MAPK8IP2: variants seen among roughly 807,000 people sequenced by gnomAD.
The protein encoded by MAPK8IP2 is mitogen-activated protein kinase 8 interacting protein 2, also known as C-Jun-amino-terminal kinase-interacting protein 2.
In MAPK8IP2, 15 loss-of-function variants were observed where a neutral mutation model predicts 75.6. That is an observed-to-expected ratio of 0.20 (90% CI 0.13 to 0.31). The LOEUF is 0.31. Among genes scored for constraint, MAPK8IP2 ranks in the 10% least tolerant of loss-of-function variants. MAPK8IP2 has a pLI of 1.00. For missense variants in MAPK8IP2, 1,089 were observed against 1,211.2 expected, an observed-to-expected ratio of 0.90 and a Z score of 1.50; for synonymous variants, 632 against 554.5, an observed-to-expected ratio of 1.14 and a Z score of -1.96.
intron 10 of MAPK8IP2, chr22:50,609,832 C>T (rs774602613): frequency 2.5e-5 from 13 of 518,574 alleles, no homozygotes; most frequent in Non-Finnish European, 4.2e-5. Flanking sequence ...TGTCAGTCTG[C>T]TAGGCCCGCA....
intron 5 of MAPK8IP2, 113 bp from the exon 6 acceptor site, chr22:50,605,255 C>T: frequency 1.7e-6 from 2 of 1,157,228 alleles, no homozygotes; most frequent in African/African-American, 1.5e-5. Flanking sequence ...GCTCGTAGGA[C>T]ACCTACACCG....
chr22:50,604,994 G>C lies in MAPK8IP2; in HGVS notation c.1695G>C (p.Pro565=). Residue 565 remains proline (P), a synonymous_variant, in exon 5 of 12, where the codon CCG becomes CCC. Coordinates refer to ENST00000329492, the MANE Select transcript of MAPK8IP2 (RefSeq NM_012324.6). The part of the protein sequence containing the change: ...GGGQVSGDTS[P]DSPDLTFSKK... The stretch of plus-strand genomic sequence containing the variant: ...GTCAGGTCTCGGGGGACACCTCGCC[G>C]GACAGCCCTGACCTCACTTTCTCCA... 6.2e-7 allele frequency: 1 copy of C among 1,612,436 alleles called. No homozygotes were observed. Among genetic ancestry groups the C allele is most frequent in the Non-Finnish European group, 8.5e-7 (1 of 1,179,818 alleles).
chr22:50,608,630 G>A (rs2071091502), intron 10 of MAPK8IP2, among the ~76,000 whole-genome samples: 1 of 138,012 alleles, frequency 7.2e-6, no homozygotes, highest in Non-Finnish European at 1.6e-5. Flanking sequence ...AGACAGCAGG[G>A]ACAGCTCTGG....
Position 50,607,030 on chromosome 22 carries a change from C to A in MAPK8IP2, c.2303+39C>A. On this transcript the variant is annotated intron_variant, in intron 10 of 11. Coordinates refer to ENST00000329492, the MANE Select transcript of MAPK8IP2 (RefSeq NM_012324.6). The surrounding 1 kb of genome is among the most constrained non-coding windows in gnomAD (Gnocchi z 5.6). ...CGTCCCCGAGTCCCCCAACCGCCCC[C>A]ACAAACCCTGAGAGTCCAACCGCCC... is the stretch of plus-strand genomic sequence containing the variant. 2 of 1,571,432 alleles carry A rather than the reference C, an allele frequency of 1.3e-6. No individual in the cohort carries two copies. Among genetic ancestry groups the A allele is most frequent in the Non-Finnish European group, 1.8e-6 (2 of 1,141,572 alleles).
chr22:50,612,186 A>G lies in MAPK8IP2; in HGVS notation c.*1407A>G, dbSNP rs1388654344. On this transcript the variant is annotated 3_prime_UTR_variant, in exon 12 of 12. Coordinates refer to ENST00000329492, the MANE Select transcript of MAPK8IP2 (RefSeq NM_012324.6). The stretch of plus-strand genomic sequence containing the variant: ...GACTCCGTCTCAGAAAAAGGAAAAG[A>G]AAAACAATCTACTTAGATCTTAAAA... 4 of 152,214 alleles carry G rather than the reference A, an allele frequency of 2.6e-5. No homozygotes were observed. Among genetic ancestry groups the G allele is most frequent in the African/African-American group, 9.7e-5 (4 of 41,448 alleles). The allele number at this position is 152,214 out of a possible 1,614,324, so 9.4% of individuals were successfully genotyped here. A position where few individuals can be genotyped will look rare whatever the true frequency, so the allele number is the denominator to read the frequency against.
rs754190340 is a variant in MAPK8IP2 at position 50,610,618 on chromosome 22, A to AAGG, written c.2403-85_2403-83dup. On this transcript the variant is annotated intron_variant, in intron 11 of 11. Transcript: ENST00000329492. The surrounding 1 kb of genome is among the most constrained non-coding windows in gnomAD (Gnocchi z 4.3). The stretch of plus-strand genomic sequence containing the variant: ...GGTTATGGATGGCTGCAGAGGGAGG[A>AAGG]AGGAGGGAGAGCTCAGAGGCTCTGT... 182 of 1,047,118 alleles carry AAGG rather than the reference A, an allele frequency of 1.7e-4. 1 individual carries two copies. The highest frequency in any genetic ancestry group is 2.5e-4 in the Non-Finnish European group (176 of 698,380). 64.9% of individuals were successfully genotyped at this position (1,047,118 alleles called of 1,614,324 possible).
At position 50,604,172 on chromosome 22, in the gene MAPK8IP2, G is replaced by T. The variant is rs762326963; in HGVS notation, c.873G>T (p.Ser291=). The T allele has an allele frequency of 1.5e-5, 24 of 1,549,246 alleles. No homozygotes were observed. The highest frequency in any genetic ancestry group is 2.1e-5 in the Non-Finnish European group (24 of 1,155,964). The change falls in exon 5 of 12, where the codon TCG becomes TCT. Residue 291 remains serine, a synonymous_variant. Coordinates refer to ENST00000329492, the MANE Select transcript of MAPK8IP2 (RefSeq NM_012324.6). ...DGGSSSSGRS[S]HLTNSIEEAS... is the part of the protein sequence containing the mutation. Reference sequence around the variant, plus strand: ...GAAGCAGCAGCAGCGGCCGCTCCTCGCACCTCACCAACTCCATCGAGGAGG... The same window carrying T: ...GAAGCAGCAGCAGCGGCCGCTCCTCTCACCTCACCAACTCCATCGAGGAGG...
Position 50,610,848 on chromosome 22 carries a change from C to T in MAPK8IP2, c.*69C>T. On this transcript the variant is annotated 3_prime_UTR_variant, in exon 12 of 12. Coordinates refer to ENST00000329492, the MANE Select transcript of MAPK8IP2 (RefSeq NM_012324.6). The surrounding 1 kb of genome is among the most constrained non-coding windows in gnomAD (Gnocchi z 4.3). ...CTGGGGCTGAGGATGTCTCAAGAGG[C>T]CACCATGGCTTTGGCAAGGACTGGA... The T allele has an allele frequency of 3.6e-6, 5 of 1,379,476 alleles. No homozygotes were observed. Among genetic ancestry groups the T allele is most frequent in the Non-Finnish European group, 5.0e-6 (5 of 1,000,382 alleles). 85.5% of individuals were successfully genotyped at this position (1,379,476 alleles called of 1,614,324 possible).
chr22:50,607,735 C>T lies in MAPK8IP2; in HGVS notation c.2303+744C>T, dbSNP rs35826039. On this transcript the variant is annotated intron_variant, in intron 10 of 11. Coordinates refer to ENST00000329492, the MANE Select transcript of MAPK8IP2 (RefSeq NM_012324.6). This position sits in a 1 kb window ranked among gnomAD's most constrained non-coding sequence, Gnocchi z 5.6. Reference sequence around the variant, plus strand: ...GAGGGGATGCGGGATCAATCACAAACGGTGAGACTGAAGTGGCCGTTGGTC... The same window carrying T: ...GAGGGGATGCGGGATCAATCACAAATGGTGAGACTGAAGTGGCCGTTGGTC... 0.31 allele frequency among the ~76,000 whole-genome samples: 47,316 copies of T among 151,496 alleles called. 8,443 individuals are homozygous for T. Among genetic ancestry groups the T allele is most frequent in the South Asian group, 0.41 (1,947 of 4,762 alleles).
chr22:50,606,067 G>A (rs73172271), intron 8 of MAPK8IP2, 133 bp downstream of exon 8: 2 of 762,560 alleles, frequency 2.6e-6, no homozygotes, highest in Admixed American at 5.2e-5. Flanking sequence ...GGGGGATGCT[G>A]CAGGGGGAGC....
rs1206660823 is a variant in MAPK8IP2 at position 50,603,229 on chromosome 22, C to T, written c.178C>T (p.Leu60Phe). 5.6e-6 allele frequency: 9 copies of T among 1,611,102 alleles called. No individual in the cohort carries two copies. Among genetic ancestry groups the T allele is most frequent in the South Asian group, 2.2e-5 (2 of 90,810 alleles). Residue 60 changes from leucine to phenylalanine, a missense_variant, in exon 3 of 12, where the codon CTC becomes TTC. Leu to Phe is a conservative substitution (Grantham distance 22). This residue lies in a region of MAPK8IP2 where 960 missense variants were observed against 1,009.6 expected (regional missense o/e 0.95). Coordinates refer to ENST00000329492, the MANE Select transcript of MAPK8IP2 (RefSeq NM_012324.6). ...ATCTCCCTCCGTCCTGCAGGACAGC[C>T]TCTCCCTGGGGCGCTCGGAGCAGCC... ...YDSDHCEKDS[L>F]SLGRSEQPHP...
chr22:50,606,375 G>T (rs755391248), intron 8 of MAPK8IP2, among the ~76,000 whole-genome samples: 8,389 of 44,456 alleles, frequency 0.19, 404 homozygotes, highest in East Asian at 0.54. Context: ...AGCCCAGGGC[G>T]GGTGAGGTCT....
rs1236524416 is a variant in MAPK8IP2 at position 50,612,725 on chromosome 22, C to A, written c.*1946C>A. The A allele has an allele frequency of 6.6e-6, 1 of 152,320 alleles. No homozygotes were observed. The highest frequency in any genetic ancestry group is 2.4e-5 in the African/African-American group (1 of 41,464). The allele number at this position is 152,320 out of a possible 1,614,324, so 9.4% of individuals were successfully genotyped here. A position where few individuals can be genotyped will look rare whatever the true frequency, so the allele number is the denominator to read the frequency against. The stretch of plus-strand genomic sequence containing the variant: ...GGTGTGTACGTTTGAAACTTGTGCC[C>A]CCTGGGCTAGGGCATTCGGGGTGTG... On this transcript the variant is annotated 3_prime_UTR_variant, in exon 12 of 12. Coordinates refer to ENST00000329492, the MANE Select transcript of MAPK8IP2 (RefSeq NM_012324.6).
chr22:50,604,993 C>G lies in MAPK8IP2; in HGVS notation c.1694C>G (p.Pro565Arg), dbSNP rs149496137. The G allele has an allele frequency of 6.2e-7, 1 of 1,612,344 alleles. No individual in the cohort carries two copies. Among genetic ancestry groups the G allele is most frequent in the Non-Finnish European group, 8.5e-7 (1 of 1,179,836 alleles). Reference protein sequence around the residue: ...GGGQVSGDTSPDSPDLTFSKK... With the variant: ...GGGQVSGDTSRDSPDLTFSKK... Reference sequence around the variant, plus strand: ...GGTCAGGTCTCGGGGGACACCTCGCCGGACAGCCCTGACCTCACTTTCTCC... The same window carrying G: ...GGTCAGGTCTCGGGGGACACCTCGCGGGACAGCCCTGACCTCACTTTCTCC... Residue 565 changes from proline (P) to arginine (R), a missense_variant, in exon 5 of 12, where the codon CCG becomes CGG. Physicochemically the swap from Pro to Arg is moderately radical, Grantham distance 103. Around this residue, in one of 2 missense-constraint regions of MAPK8IP2, gnomAD observed 960 missense variants for 1,009.6 expected, o/e 0.95. Transcript: ENST00000329492.
Position 50,604,722 on chromosome 22 carries a change from G to T in MAPK8IP2, c.1423G>T (p.Asp475Tyr). Residue 475 changes from aspartate to tyrosine, a missense_variant, in exon 5 of 12, where the codon GAC becomes TAC. Asp to Tyr is a radical substitution (Grantham distance 160, BLOSUM62 -3). Coordinates refer to ENST00000329492, the MANE Select transcript of MAPK8IP2 (RefSeq NM_012324.6). ...AACSEEEDEE[D>Y]DEEEEDAEDS... ...CTGCTCCGAGGAGGAGGACGAAGAGGACGACGAGGAAGAGGAGGATGCCGA... is the reference window on the plus strand; with the variant it reads ...CTGCTCCGAGGAGGAGGACGAAGAGTACGACGAGGAAGAGGAGGATGCCGA... 7 of 1,534,808 alleles carry T rather than the reference G, an allele frequency of 4.6e-6. No individual in the cohort carries two copies. The highest frequency in any genetic ancestry group is 6.1e-6 in the Non-Finnish European group (7 of 1,141,996).
chr22:50,602,003 G>C (rs1005000352), intron 2 of MAPK8IP2, 109 bp downstream of exon 2: 2 of 832,864 alleles, frequency 2.4e-6, no homozygotes, highest in South Asian at 3.0e-5. Flanking sequence ...CCTTGAACCG[G>C]GGACTCCTCT....
At chr22:50,609,905 G>A (rs755615812) in intron 10 of MAPK8IP2, 1 of 582,774 alleles carries the variant, frequency 1.7e-6, no homozygotes, top group South Asian at 1.4e-5. Flanking sequence ...CTTGCTCTGT[G>A]GTCCTGGGGC....
Position 50,610,883 on chromosome 22 carries a change from C to T in MAPK8IP2, c.*104C>T. ...TTTGGCAAGGACTGGATTGGGGGGA[C>T]ATGGGACCTTACGCTTGTGGGGGTC... is the stretch of plus-strand genomic sequence containing the variant. On this transcript the variant is annotated 3_prime_UTR_variant, in exon 12 of 12. Transcript: ENST00000329492. This position sits in a 1 kb window ranked among gnomAD's most constrained non-coding sequence, Gnocchi z 4.3. The T allele has an allele frequency of 2.0e-6, 2 of 1,006,188 alleles. No homozygotes were observed. Among genetic ancestry groups the T allele is most frequent in the South Asian group, 1.5e-5 (1 of 65,958 alleles). 62.3% of individuals were successfully genotyped at this position (1,006,188 alleles called of 1,614,324 possible).
At chr22:50,606,364 C>G (rs975387954) in intron 8 of MAPK8IP2, among the ~76,000 whole-genome samples, 43 of 152,122 alleles carry the variant, frequency 2.8e-4, no homozygotes, top group Non-Finnish European at 1.0e-4. Flanking sequence ...CAGGGCAGAG[C>G]AGCCCAGGGC....
Sources: gnomAD v4.1 joint callset for allele counts (sites outside exome capture counted in the v4.1 genomes callset) on GRCh38, gnomAD v4.1.1 for gene constraint, gnomAD v4.1.1 regional missense constraint, Gnocchi (gnomAD v3.1) non-coding constraint, MANE v1.5 for transcripts, NCBI Gene and HGNC (gene_info 2026-07-23, HGNC 2026-07-21) for gene names.